Variants in BRINP3 observed in about 807,000 individuals in gnomAD.
BRINP3 encodes the protein BMP/retinoic acid inducible neural specific 3, also known as BMP/retinoic acid-inducible neural-specific protein 3.
In BRINP3, 19 loss-of-function variants were observed where a neutral mutation model predicts 71.0. The ratio of observed to expected loss-of-function variants is 0.27; its 90% confidence interval spans 0.19 to 0.39. The LOEUF (loss-of-function observed/expected upper bound fraction) is 0.39, where lower values mean the gene tolerates loss of function less well. Among genes scored for constraint, BRINP3 ranks in the 10% least tolerant of loss-of-function variants. The probability of loss-of-function intolerance (pLI) is 1.00; values close to 1 mark genes in which losing one functional copy is unlikely to be tolerated. For missense variants in BRINP3, 959 were observed against 940.8 expected, an observed-to-expected ratio of 1.02 and a Z score of -0.25; for synonymous variants, 380 against 337.7, an observed-to-expected ratio of 1.13 and a Z score of -1.37.
intron 2 of BRINP3, among the ~76,000 whole-genome samples, chr1:190,403,980 T>G (rs551808998): frequency 5.3e-5 from 8 of 152,190 alleles, no homozygotes; most frequent in Non-Finnish European, 1.2e-4. Context: ...TTATTTGGAA[T>G]TTACAATATG....
intron 7 of BRINP3, among the ~76,000 whole-genome samples, chr1:190,113,975 C>T (rs1652908640): frequency 6.6e-6 from 1 of 152,118 alleles, no homozygotes; most frequent in Non-Finnish European, 1.5e-5. Context: ...TATGTGTCTT[C>T]AATAAAAATA....
At chr1:190,280,450 T>C (rs538385393) in intron 3 of BRINP3, among the ~76,000 whole-genome samples, 118 of 151,792 alleles carry the variant, frequency 7.8e-4, no homozygotes, top group African/African-American at 2.6e-3. Context: ...AAGGGACCAT[T>C]TGAGTATTGT....
chr1:190,115,285 T>A (rs186569718), intron 7 of BRINP3, among the ~76,000 whole-genome samples: 1 of 152,272 alleles, frequency 6.6e-6, no homozygotes, highest in East Asian at 1.9e-4. Flanking sequence ...CTAAAAACAA[T>A]TCTCAGCAAA....
chr1:190,280,762 C>A (rs1475320286), intron 3 of BRINP3, among the ~76,000 whole-genome samples: 2 of 151,860 alleles, frequency 1.3e-5, no homozygotes, highest in Non-Finnish European at 2.9e-5. Flanking sequence ...CAGTGTTCTT[C>A]ATTATAAGAA....
At chr1:190,297,189 T>G (rs1409847423) in intron 2 of BRINP3, among the ~76,000 whole-genome samples, 3 of 152,056 alleles carry the variant, frequency 2.0e-5, no homozygotes, top group Admixed American at 6.6e-5. Context: ...AATAATATGG[T>G]ACTTGTATAA....
intron 4 of BRINP3, among the ~76,000 whole-genome samples, chr1:190,236,058 T>C (rs1176547367): frequency 6.6e-6 from 1 of 151,860 alleles, no homozygotes; most frequent in African/African-American, 2.4e-5. Flanking sequence ...AACTTCGTAG[T>C]ATGGAGCAGG....
At chr1:190,291,557 TC>T (rs1344668657) in intron 2 of BRINP3, among the ~76,000 whole-genome samples, 3 of 152,118 alleles carry the variant, frequency 2.0e-5, no homozygotes, top group African/African-American at 7.2e-5. Flanking sequence ...TAAAAAATAT[TC>T]AACATCACTA....
At chr1:190,221,832 T>C (rs1297659437) in intron 6 of BRINP3, among the ~76,000 whole-genome samples, 1 of 152,080 alleles carries the variant, frequency 6.6e-6, no homozygotes, top group Non-Finnish European at 1.5e-5. Flanking sequence ...CAATATAAAA[T>C]GATAAAGGGG....
At chr1:190,312,413 A>C (rs1157075300) in intron 2 of BRINP3, among the ~76,000 whole-genome samples, 1 of 151,484 alleles carries the variant, frequency 6.6e-6, no homozygotes. Context: ...TGAAAGAAAA[A>C]ATACTTTATC....
chr1:190,190,706 TG>T (rs1276908726), intron 6 of BRINP3, among the ~76,000 whole-genome samples: 3 of 151,810 alleles, frequency 2.0e-5, no homozygotes, highest in South Asian at 4.2e-4. Flanking sequence ...AAAATCAAAG[TG>T]TTTTTTTTTG....
At chr1:190,120,656 G>A (rs948211971) in intron 7 of BRINP3, among the ~76,000 whole-genome samples, 17 of 140,284 alleles carry the variant, frequency 1.2e-4, no homozygotes, top group East Asian at 6.1e-4. Flanking sequence ...CACCACGCCC[G>A]GCTAATTTTT....
intron 3 of BRINP3, among the ~76,000 whole-genome samples, chr1:190,267,276 T>A (rs931928544): frequency 5.3e-5 from 8 of 152,104 alleles, no homozygotes; most frequent in African/African-American, 1.9e-4. Context: ...GTAAATTCCA[T>A]AAATTTGTAA....
At chr1:190,414,183 C>G (rs1044583765) in intron 2 of BRINP3, among the ~76,000 whole-genome samples, 1 of 152,156 alleles carries the variant, frequency 6.6e-6, no homozygotes, top group African/African-American at 2.4e-5. Context: ...TTACTATAGA[C>G]AGCAAAATAT....
chr1:190,267,452 T>A (rs1239819780), intron 3 of BRINP3, among the ~76,000 whole-genome samples: 2 of 152,002 alleles, frequency 1.3e-5, no homozygotes, highest in Non-Finnish European at 2.9e-5. Context: ...TACATCAGAA[T>A]TTAAGGAACA....
intron 7 of BRINP3, among the ~76,000 whole-genome samples, chr1:190,121,410 T>TAGTGA (rs1653645792): frequency 6.6e-6 from 1 of 152,076 alleles, no homozygotes; most frequent in Admixed American, 6.6e-5. Flanking sequence ...ACAGCACACA[T>TAGTGA]TAAGGTAACT....
chr1:190,251,960 T>C (rs891607297), intron 4 of BRINP3, among the ~76,000 whole-genome samples: 1 of 151,458 alleles, frequency 6.6e-6, no homozygotes, highest in South Asian at 2.1e-4. Flanking sequence ...AAAAAGATGA[T>C]TTTGAAAACA....
intron 7 of BRINP3, among the ~76,000 whole-genome samples, chr1:190,156,277 T>G (rs866087353): frequency 6.6e-6 from 1 of 152,108 alleles, no homozygotes. Context: ...TTTGAAGGTC[T>G]TGTTTGTTTT....
At chr1:190,192,065 C>T (rs1654082310) in intron 6 of BRINP3, among the ~76,000 whole-genome samples, 1 of 152,118 alleles carries the variant, frequency 6.6e-6, no homozygotes, top group African/African-American at 2.4e-5. Flanking sequence ...CAAACAACTG[C>T]TATTGCAAAC....
rs533498746 is a variant in BRINP3, at chr1:190,370,016, T to A, written c.236+84639A>T. Among the ~76,000 whole-genome samples, 5 of 152,278 alleles carry A rather than the reference T, an allele frequency of 3.3e-5. No homozygotes were observed. In the South Asian group the frequency reaches 1.0e-3, roughly 32 times the overall value. Reference sequence around the variant, plus strand: ...GCTTCATTTATTTCTAGTATCATACTCCTCAGCCTGCCAGAATGAACCACA... The same window carrying A: ...GCTTCATTTATTTCTAGTATCATACACCTCAGCCTGCCAGAATGAACCACA... On this transcript the variant is annotated intron_variant, in intron 2 of 7. Coordinates refer to ENST00000367462, the MANE Select transcript of BRINP3 (RefSeq NM_199051.3).
Sources: gnomAD v4.1 joint callset for allele counts (sites outside exome capture counted in the v4.1 genomes callset) on GRCh38, gnomAD v4.1.1 for gene constraint, MANE v1.5 for transcripts, NCBI Gene and HGNC (gene_info 2026-07-23, HGNC 2026-07-21) for gene names.